Variants in PCYT2 observed in about 807,000 individuals in gnomAD.
The protein encoded by PCYT2 is phosphate cytidylyltransferase 2, ethanolamine.
PCYT2 carries 33 observed loss-of-function variants against 50.0 expected under a neutral mutation model. That is an observed-to-expected ratio of 0.66 (90% CI 0.50 to 0.88). PCYT2 has a LOEUF of 0.88. Among genes scored for constraint, PCYT2 ranks in the 40% least tolerant of loss-of-function variants. PCYT2 has a pLI of 0.00. For synonymous variants in PCYT2, 240 were observed against 203.7 expected, an observed-to-expected ratio of 1.18 and a Z score of -1.52; for missense variants, 430 against 519.7, an observed-to-expected ratio of 0.83 and a Z score of 1.68.
chr17:81,903,645 C>T lies in PCYT2; in HGVS notation c.*1188G>A, dbSNP rs1346690062. 2.0e-5 allele frequency: 3 copies of T among 152,278 alleles called. No individual in the cohort carries two copies. The highest frequency in any genetic ancestry group is 7.2e-5 in the African/African-American group (3 of 41,430). 9.4% of individuals were successfully genotyped at this position (152,278 alleles called of 1,614,324 possible). A position where few individuals can be genotyped will look rare whatever the true frequency, so the allele number is the denominator to read the frequency against. On this transcript the variant is annotated 3_prime_UTR_variant, in exon 13 of 13. Transcript: ENST00000538936. Reference sequence around the variant, plus strand: ...GGATGAGGATGGCCTGTGCCCCCCACACCTTGGCCCCTGGCTCGGAGAGCA... The same window carrying T: ...GGATGAGGATGGCCTGTGCCCCCCATACCTTGGCCCCTGGCTCGGAGAGCA...
At position 81,903,051 on chromosome 17, in the gene PCYT2, G is replaced by A. The variant is rs1244637500; in HGVS notation, c.*1782C>T. 1 of 400,278 alleles carries A rather than the reference G, an allele frequency of 2.5e-6. No homozygotes were observed. Among genetic ancestry groups the A allele is most frequent in the Non-Finnish European group, 4.4e-6 (1 of 225,412 alleles). 24.8% of individuals were successfully genotyped at this position (400,278 alleles called of 1,614,324 possible). On this transcript the variant is annotated 3_prime_UTR_variant, in exon 13 of 13. Transcript: ENST00000538936. ...CCCAGAGGTCTTCAGACCCAGGGGC[G>A]AAGCTGGCCACGACCCAGCCCCGCG... is the stretch of plus-strand genomic sequence containing the variant.
intron 6 of PCYT2, chr17:81,907,325 T>C: frequency 7.1e-7 from 1 of 1,414,084 alleles, no homozygotes; most frequent in Non-Finnish European, 9.5e-7. Flanking sequence ...TCCTTGCTCC[T>C]CCAAGCAGTG....
At position 81,909,600 on chromosome 17, in the gene PCYT2, T is replaced by C; in HGVS notation, c.92A>G (p.Tyr31Cys). The part of the protein sequence containing the change: ...RAVRVWCDGC[Y>C]DMVHYGHSNQ... ...GGAGTGGCCGTAATGCACCATGTCA[T>C]AGCTGTGGAGACAGAGAGAGTGGGT... Residue 31 changes from tyrosine (Y) to cysteine (C), a missense_variant and splice_region_variant, in exon 2 of 13, where the codon TAT becomes TGT. Tyr to Cys is a radical substitution (Grantham distance 194, BLOSUM62 -2). This residue lies in a region of PCYT2 where 117 missense variants were observed against 163.9 expected (regional missense o/e 0.71). Transcript: ENST00000538936. 1 of 1,612,852 alleles carries C rather than the reference T, an allele frequency of 6.2e-7. No individual in the cohort carries two copies. Among genetic ancestry groups the C allele is most frequent in the South Asian group, 1.1e-5 (1 of 91,060 alleles).
At chr17:81,906,358 C>A in intron 8 of PCYT2, 106 bp downstream of exon 8, 1 of 1,277,790 alleles carries the variant, frequency 7.8e-7, no homozygotes, top group Admixed American at 1.9e-5. Context: ...CCTGTGACTT[C>A]ACCTGGGGCC....
chr17:81,910,795 G>A lies in PCYT2; in HGVS notation c.89+472C>T, dbSNP rs940646957. The A allele has an allele frequency of 3.3e-5, 24 of 716,786 alleles. No homozygotes were observed. The African/African-American group carries it at 4.4e-4, about 13-fold the overall frequency. The allele number at this position is 716,786 out of a possible 1,614,324, so 44.4% of individuals were successfully genotyped here. On this transcript the variant is annotated intron_variant, in intron 1 of 12. Transcript: ENST00000538936. ...AACTTTTCTTAAAACAATGCCCTCT[G>A]ACTGGCCAGGGAAGACCGATCGCAT... is the stretch of plus-strand genomic sequence containing the variant.
At position 81,907,776 on chromosome 17, in the gene PCYT2, G is replaced by T; in HGVS notation, c.489C>A (p.Ser163Arg). 1 of 1,613,160 alleles carries T rather than the reference G, an allele frequency of 6.2e-7. No individual in the cohort carries two copies. Among genetic ancestry groups the T allele is most frequent in the Non-Finnish European group, 8.5e-7 (1 of 1,179,920 alleles). Residue 163 changes from serine (S) to arginine (R), a missense_variant, in exon 5 of 13, where the codon AGC (serine) becomes AGA (arginine). By Grantham distance (110) the Ser-to-Arg change is moderately radical. Around this residue, in one of 4 missense-constraint regions of PCYT2, gnomAD observed 248 missense variants for 300.2 expected, o/e 0.83. Transcript: ENST00000538936. ...MLLVTKAHHS[S>R]QEMSSEYREY... The stretch of plus-strand genomic sequence containing the variant: ...GGGGATTCCGCCGCCGACTCACCTG[G>T]CTGCTGTGATGGGCTTTGGTTACCA...
At chr17:81,906,214 T>G (rs1366419416) in intron 8 of PCYT2, 37 bp from the exon 9 acceptor site, 1 of 1,561,040 alleles carries the variant, frequency 6.4e-7, no homozygotes. Flanking sequence ...CCCGGAGACT[T>G]TTTGGGGGGA....
Position 81,904,891 on chromosome 17 carries a change from A to G in PCYT2, c.1112T>C (p.Leu371Pro). The G allele has an allele frequency of 6.2e-7, 1 of 1,613,064 alleles. No individual in the cohort carries two copies. The highest frequency in any genetic ancestry group is 8.5e-7 in the Non-Finnish European group (1 of 1,179,908). ...QKKEAKELAF[L>P]EAARQQAAQP... ...TGCCGCCTGCTGCCTGGCAGCCTCC[A>G]GGAAGGCCAGCTCCTTGGCTTCCTT... is the stretch of plus-strand genomic sequence containing the variant. Residue 371 changes from leucine (L) to proline (P), a missense_variant, in exon 13 of 13, where the codon CTG becomes CCG. By Grantham distance (98) the Leu-to-Pro change is moderately conservative. This residue lies in a region of PCYT2 where 248 missense variants were observed against 300.2 expected (regional missense o/e 0.83). Transcript: ENST00000538936.
At chr17:81,909,080 C>A in intron 2 of PCYT2, 43 bp from the exon 3 acceptor site, 1 of 1,591,574 alleles carries the variant, frequency 6.3e-7, no homozygotes, top group Non-Finnish European at 8.6e-7. Context: ...CCAGCCCACC[C>A]GGCCCCTCCA....
At position 81,902,112 on chromosome 17, in the gene PCYT2, C is replaced by G. The variant is rs1002248157; in HGVS notation, c.*2721G>C. On this transcript the variant is annotated 3_prime_UTR_variant, in exon 13 of 13. Coordinates refer to ENST00000538936, the MANE Select transcript of PCYT2 (RefSeq NM_002861.5). ...CCGCGCGGCTGGTTCCTTTGGGATG[C>G]GGAGGTGCGACGGCTCCTCCGCGCG... 4.0e-6 allele frequency: 2 copies of G among 504,836 alleles called. No homozygotes were observed. The highest frequency in any genetic ancestry group is 5.8e-6 in the Non-Finnish European group (2 of 346,042). The allele number at this position is 504,836 out of a possible 1,614,324, so 31.3% of individuals were successfully genotyped here. A position where few individuals can be genotyped will look rare whatever the true frequency, so the allele number is the denominator to read the frequency against.
intron 2 of PCYT2, 46 bp from the exon 3 acceptor site, chr17:81,909,083 C>T (rs2040437591): frequency 6.3e-7 from 1 of 1,589,706 alleles, no homozygotes; most frequent in East Asian, 2.2e-5. Context: ...GCCCACCCGG[C>T]CCCTCCAGTA....
chr17:81,908,734 G>T, intron 3 of PCYT2, 100 bp from the exon 4 acceptor site: 3 of 1,318,318 alleles, frequency 2.3e-6, no homozygotes, highest in Non-Finnish European at 2.2e-6. Context: ...TAGTGTCCGC[G>T]TGCCCATTTC....
rs774603555 is a variant in PCYT2, at chr17:81,908,986, T to C, written c.230A>G (p.Tyr77Cys). The change falls in exon 3 of 13, where the codon TAC (tyrosine) becomes TGC (cysteine). Residue 77 changes from tyrosine (Y) to cysteine (C), a missense_variant. By Grantham distance (194) the Tyr-to-Cys change is radical (BLOSUM62 -2). Around this residue, in one of 4 missense-constraint regions of PCYT2, gnomAD observed 117 missense variants for 163.9 expected, o/e 0.71. Transcript: ENST00000538936. ...CCATTTGATGGCCTGCACCATCTTG[T>C]ATCTCTCCTCCTGAGTGAACACCGG... is the stretch of plus-strand genomic sequence containing the variant. ...GPPVFTQEER[Y>C]KMVQAIKWVD... 11 of 1,614,030 alleles carry C rather than the reference T, an allele frequency of 6.8e-6. No individual in the cohort carries two copies. Among genetic ancestry groups the C allele is most frequent in the Non-Finnish European group, 9.3e-6 (11 of 1,179,992 alleles).
chr17:81,910,045 C>T (rs1186365758), intron 1 of PCYT2, among the ~76,000 whole-genome samples: 1 of 152,210 alleles, frequency 6.6e-6, no homozygotes, highest in Non-Finnish European at 1.5e-5. Context: ...CTGGGGCTAA[C>T]CCAAAACAAA....
rs2040154645 is a variant in PCYT2, at chr17:81,904,854, C to T, written c.1149G>A (p.Gly383=). The T allele has an allele frequency of 6.2e-7, 1 of 1,611,598 alleles. No individual in the cohort carries two copies. The highest frequency in any genetic ancestry group is 1.3e-5 in the African/African-American group (1 of 74,906). Reference sequence around the variant, plus strand: ...CAGGTTAGAAGTCACCATCGCGCTCCCCCAGGGGCTGTGCCGCCTGCTGCC... The same window carrying T: ...CAGGTTAGAAGTCACCATCGCGCTCTCCCAGGGGCTGTGCCGCCTGCTGCC... ...AARQQAAQPL[G]ERDGDF The change falls in exon 13 of 13, where the codon GGG becomes GGA. Residue 383 remains glycine (G), a synonymous_variant. Coordinates refer to ENST00000538936, the MANE Select transcript of PCYT2 (RefSeq NM_002861.5).
rs1256033168 is a variant in PCYT2 at position 81,901,325 on chromosome 17, G to A, written c.*3508C>T. ...ATTAGGTGGTGCCCACCTGGATTGA[G>A]GGTGGGTCTGCCTCTCCCAGCCCAC... On this transcript the variant is annotated 3_prime_UTR_variant, in exon 13 of 13. Coordinates refer to ENST00000538936, the MANE Select transcript of PCYT2 (RefSeq NM_002861.5). The A allele has an allele frequency of 6.6e-6, 1 of 152,266 alleles. No homozygotes were observed. Among genetic ancestry groups the A allele is most frequent in the Non-Finnish European group, 1.5e-5 (1 of 68,074 alleles). The allele number at this position is 152,266 out of a possible 1,614,324, so 9.4% of individuals were successfully genotyped here.
intron 11 of PCYT2, 34 bp from the exon 12 acceptor site, chr17:81,905,188 T>C: frequency 6.4e-7 from 1 of 1,565,980 alleles, no homozygotes; most frequent in South Asian, 1.1e-5. Flanking sequence ...GGGATGAAGG[T>C]CCCTGCTGAC....
rs542404872 is a variant in PCYT2 at position 81,902,105 on chromosome 17, T to C, written c.*2728A>G. ...CGCTCGCCCGCGCGGCTGGTTCCTT[T>C]GGGATGCGGAGGTGCGACGGCTCCT... On this transcript the variant is annotated 3_prime_UTR_variant, in exon 13 of 13. Transcript: ENST00000538936. The C allele has an allele frequency of 1.2e-4, 57 of 476,506 alleles. No individual in the cohort carries two copies. Among genetic ancestry groups the C allele is most frequent in the African/African-American group, 1.0e-3 (49 of 48,834 alleles). 29.5% of individuals were successfully genotyped at this position (476,506 alleles called of 1,614,324 possible). A position where few individuals can be genotyped will look rare whatever the true frequency, so the allele number is the denominator to read the frequency against.
intron 6 of PCYT2, 163 bp downstream of exon 6, chr17:81,907,391 C>T: frequency 8.5e-7 from 1 of 1,171,272 alleles, no homozygotes; most frequent in Non-Finnish European, 1.2e-6. Flanking sequence ...TCCCAGCATC[C>T]ACCAGTGAGC....
Sources: gnomAD v4.1 joint callset for allele counts (sites outside exome capture counted in the v4.1 genomes callset) on GRCh38, gnomAD v4.1.1 for gene constraint, gnomAD v4.1.1 regional missense constraint, MANE v1.5 for transcripts, NCBI Gene and HGNC (gene_info 2026-07-23, HGNC 2026-07-21) for gene names.